Variants in NTN1 observed in about 807,000 individuals in gnomAD.
NTN1 encodes the protein netrin 1.
NTN1 carries 11 observed loss-of-function variants against 54.2 expected under a neutral mutation model. That is an observed-to-expected ratio of 0.20 (90% CI 0.13 to 0.34). NTN1 has a LOEUF of 0.34. NTN1 is among the 10% of genes least tolerant of loss of function. The pLI is 1.00. For missense variants in NTN1, 740 were observed against 893.1 expected (o/e 0.83, Z 2.18); for synonymous variants, 371 against 382.0 (o/e 0.97, Z 0.33).
At chr17:9,193,657 T>C (rs1166962025) in intron 5 of NTN1, among the ~76,000 whole-genome samples, 4 of 152,174 alleles carry the variant, frequency 2.6e-5, no homozygotes, top group African/African-American at 9.7e-5. Flanking sequence ...GCACGGTGGC[T>C]CACGCCTGTA....
At chr17:9,192,156 C>T (rs939973816) in intron 5 of NTN1, among the ~76,000 whole-genome samples, 1 of 152,136 alleles carries the variant, frequency 6.6e-6, no homozygotes, top group African/African-American at 2.4e-5. Flanking sequence ...ATCCATGACC[C>T]CATCAGTTCA....
intron 2 of NTN1, among the ~76,000 whole-genome samples, chr17:9,086,782 A>G (rs1013336648): frequency 6.6e-6 from 1 of 151,998 alleles, no homozygotes; most frequent in Admixed American, 6.6e-5. Flanking sequence ...CACTGTCCTC[A>G]TTACCATCAC....
intron 2 of NTN1, among the ~76,000 whole-genome samples, chr17:9,085,373 T>C (rs1597482175): frequency 6.6e-6 from 1 of 152,288 alleles, no homozygotes; most frequent in East Asian, 1.9e-4. Context: ...AGCAATTTCC[T>C]TTAAGGAAGT....
At chr17:9,102,748 A>T (rs1425574105) in intron 2 of NTN1, among the ~76,000 whole-genome samples, 1 of 152,212 alleles carries the variant, frequency 6.6e-6, no homozygotes, top group Non-Finnish European at 1.5e-5. Context: ...ATAGAATAGA[A>T]AAGTAGCTTG....
chr17:9,070,729 T>C (rs980120848), intron 2 of NTN1, among the ~76,000 whole-genome samples: 5 of 152,222 alleles, frequency 3.3e-5, no homozygotes, highest in Admixed American at 2.6e-4. Context: ...GTAGCTGGGA[T>C]TACAGGCACC....
At chr17:9,052,752 CAAAT>C (rs1265637461) in intron 2 of NTN1, among the ~76,000 whole-genome samples, 1 of 152,172 alleles carries the variant, frequency 6.6e-6, no homozygotes, top group Non-Finnish European at 1.5e-5. Context: ...GTCTCCAAGA[CAAAT>C]AAACATAAAT....
At chr17:9,045,488 C>A (rs1338478252) in intron 2 of NTN1, among the ~76,000 whole-genome samples, 1 of 152,164 alleles carries the variant, frequency 6.6e-6, no homozygotes, top group Non-Finnish European at 1.5e-5. Flanking sequence ...CAGCTTCACG[C>A]CTGCCTCCAT....
At chr17:9,115,510 C>T (rs1024445935) in intron 2 of NTN1, among the ~76,000 whole-genome samples, 4 of 152,354 alleles carry the variant, frequency 2.6e-5, no homozygotes, top group African/African-American at 9.6e-5. Context: ...TGGAGCTGGA[C>T]AGATCCCGGC....
chr17:9,008,286 C>T, the NTN1 span, among the ~76,000 whole-genome samples: 1 of 147,504 alleles, frequency 6.8e-6, no homozygotes, highest in Non-Finnish European at 1.5e-5. Flanking sequence ...TTCTAGGCAA[C>T]TTTTTAATTT....
chr17:9,162,690 T>G (rs1011227172), intron 2 of NTN1, 123 bp from the exon 3 acceptor site: 6 of 904,014 alleles, frequency 6.6e-6, no homozygotes, highest in Non-Finnish European at 1.0e-5. Context: ...AGCACAAGTC[T>G]GCCTGCCTGG....
Position 9,025,414 on chromosome 17 carries a change from C to G in NTN1, c.1018+2023C>G, listed in dbSNP as rs558126951. ...CATATTAACGAATGTAATTAGTAAC[C>G]GTTTTTGTTCAAAAAGTTTAATTAG... is the stretch of plus-strand genomic sequence containing the variant. On this transcript the variant is annotated intron_variant, in intron 2 of 6. Transcript: ENST00000173229. 9.9e-5 allele frequency among the ~76,000 whole-genome samples: 15 copies of G among 152,120 alleles called. No homozygotes were observed. The South Asian group carries it at 1.5e-3, about 15-fold the overall frequency.
At chr17:9,037,002 C>T (rs554829531) in intron 2 of NTN1, among the ~76,000 whole-genome samples, 16 of 152,120 alleles carry the variant, frequency 1.1e-4, no homozygotes, top group Non-Finnish European at 1.6e-4. Context: ...CCAGTGTGTT[C>T]GCTAGCTGGT....
intron 2 of NTN1, among the ~76,000 whole-genome samples, chr17:9,049,300 C>G: frequency 6.6e-6 from 1 of 152,068 alleles, no homozygotes; most frequent in Non-Finnish European, 1.5e-5. Context: ...TTCCCGCAAC[C>G]ACAGAAGGAA....
intron 2 of NTN1, among the ~76,000 whole-genome samples, chr17:9,047,509 T>C (rs894235509): frequency 6.6e-6 from 1 of 152,172 alleles, no homozygotes; most frequent in African/African-American, 2.4e-5. Context: ...TATCATGAGA[T>C]TGGAGTGATT....
the NTN1 span, among the ~76,000 whole-genome samples, chr17:9,016,471 T>G: frequency 2.1e-4 from 32 of 152,210 alleles, no homozygotes; most frequent in African/African-American, 7.2e-4. Context: ...TCTCTTTTCT[T>G]GAATCCTTTA....
intron 6 of NTN1, among the ~76,000 whole-genome samples, chr17:9,225,392 C>G (rs934543064): frequency 6.6e-6 from 1 of 151,980 alleles, no homozygotes; most frequent in Non-Finnish European, 1.5e-5. Flanking sequence ...AGGAGCCCTG[C>G]GGGGTGGGGT....
At chr17:9,111,402 C>T (rs2092190125) in intron 2 of NTN1, among the ~76,000 whole-genome samples, 1 of 152,050 alleles carries the variant, frequency 6.6e-6, no homozygotes, top group South Asian at 2.1e-4. Context: ...AATAGCTAGC[C>T]TAAAAGTGAA....
intron 5 of NTN1, among the ~76,000 whole-genome samples, chr17:9,208,809 C>T (rs980460528): frequency 1.3e-5 from 2 of 152,266 alleles, no homozygotes; most frequent in Non-Finnish European, 2.9e-5. Flanking sequence ...AGGCCTGTGG[C>T]ACAGCCAAGA....
chr17:9,081,674 T>C (rs1006040450), intron 2 of NTN1, among the ~76,000 whole-genome samples: 9 of 152,158 alleles, frequency 5.9e-5, no homozygotes, highest in African/African-American at 2.2e-4. Context: ...CCTTTCTCAA[T>C]ATCTTCACTC....
Sources: gnomAD v4.1 joint callset for allele counts (sites outside exome capture counted in the v4.1 genomes callset) on GRCh38, gnomAD v4.1.1 for gene constraint, MANE v1.5 for transcripts, NCBI Gene and HGNC (gene_info 2026-07-23, HGNC 2026-07-21) for gene names.